TLK1: variants seen among roughly 807,000 people sequenced by gnomAD.
The protein encoded by TLK1 is serine/threonine-protein kinase tousled-like 1.
TLK1 carries 24 observed loss-of-function variants against 105.3 expected under a neutral mutation model. The ratio of observed to expected loss-of-function variants is 0.23; its 90% CI spans 0.17 to 0.32. The LOEUF is 0.32. TLK1 is among the 10% of genes least tolerant of loss of function. The pLI is 1.00. For synonymous variants in TLK1, 321 were observed against 310.4 expected, an observed-to-expected ratio of 1.03 and a Z score of -0.36; for missense variants, 558 against 910.5, an observed-to-expected ratio of 0.61 and a Z score of 4.98.
intron 1 of TLK1, among the ~76,000 whole-genome samples, chr2:171,201,842 G>A (rs1693402970): frequency 6.6e-6 from 1 of 152,128 alleles, no homozygotes; most frequent in African/African-American, 2.4e-5. Flanking sequence ...CCTCAGCTCT[G>A]TGGGTCTAGA....
At chr2:171,148,360 A>G (rs1691878272) in intron 1 of TLK1, among the ~76,000 whole-genome samples, 1 of 151,946 alleles carries the variant, frequency 6.6e-6, no homozygotes. Context: ...TATAGGGATT[A>G]GAAGTGTGGA....
intron 4 of TLK1, among the ~76,000 whole-genome samples, chr2:171,058,540 T>C (rs1039040514): frequency 9.2e-5 from 14 of 152,144 alleles, no homozygotes; most frequent in African/African-American, 3.1e-4. Context: ...CATAACATGA[T>C]TCCTGTCAAA....
chr2:171,175,315 AAAAG>A (rs1453746869), intron 1 of TLK1, among the ~76,000 whole-genome samples: 1 of 152,246 alleles, frequency 6.6e-6, no homozygotes, highest in Non-Finnish European at 1.5e-5. Context: ...TTTGAAAAAA[AAAAG>A]AAATAGTAGT....
intron 3 of TLK1, chr2:171,081,825 T>TA: frequency 1.6e-6 from 1 of 618,038 alleles, no homozygotes; most frequent in Non-Finnish European, 2.6e-6. Flanking sequence ...ATGCTTTCAA[T>TA]AACACAGAGC....
chr2:171,198,654 T>C (rs1414114111), intron 1 of TLK1, among the ~76,000 whole-genome samples: 1 of 152,106 alleles, frequency 6.6e-6, no homozygotes, highest in East Asian at 1.9e-4. Context: ...TAGACAAGCA[T>C]CCAAAGATGT....
At chr2:171,039,041 A>T (rs1421881017) in intron 11 of TLK1, among the ~76,000 whole-genome samples, 1 of 152,038 alleles carries the variant, frequency 6.6e-6, no homozygotes, top group Non-Finnish European at 1.5e-5. Flanking sequence ...CTTCCTAGTG[A>T]TTTCAACCTT....
intron 2 of TLK1, among the ~76,000 whole-genome samples, chr2:171,096,696 T>C (rs1442918143): frequency 1.3e-5 from 2 of 149,584 alleles, no homozygotes; most frequent in East Asian, 2.0e-4. Context: ...AGGCAGAGGA[T>C]GCAGTGAACC....
chr2:171,139,070 C>G (rs1478686495), intron 1 of TLK1, among the ~76,000 whole-genome samples: 1 of 152,060 alleles, frequency 6.6e-6, no homozygotes, highest in Non-Finnish European at 1.5e-5. Flanking sequence ...TTAAAAGAAG[C>G]AAAGTGACTA....
intron 11 of TLK1, among the ~76,000 whole-genome samples, chr2:171,033,236 T>C (rs1686132951): frequency 6.6e-6 from 1 of 152,012 alleles, no homozygotes; most frequent in Non-Finnish European, 1.5e-5. Context: ...AAAGGGAAGA[T>C]AACACAGGGG....
chr2:171,109,780 T>C (rs1339087977), intron 2 of TLK1, among the ~76,000 whole-genome samples: 1 of 152,214 alleles, frequency 6.6e-6, no homozygotes, highest in African/African-American at 2.4e-5. Context: ...ATCCATACAG[T>C]GGAATTCTAT....
intron 1 of TLK1, among the ~76,000 whole-genome samples, chr2:171,221,736 A>G (rs1693813798): frequency 6.6e-6 from 1 of 152,222 alleles, no homozygotes; most frequent in South Asian, 2.1e-4. Flanking sequence ...ATTTGGAGAC[A>G]GCCACCTTCT....
chr2:171,028,438 G>A, intron 11 of TLK1, 33 bp from the exon 12 acceptor site: 2 of 1,363,204 alleles, frequency 1.5e-6, no homozygotes, highest in Non-Finnish European at 2.1e-6. Flanking sequence ...TCTACATATT[G>A]AGATTAATAC....
chr2:171,105,020 T>C (rs769433952), intron 2 of TLK1, among the ~76,000 whole-genome samples: 15 of 152,168 alleles, frequency 9.9e-5, no homozygotes, highest in Non-Finnish European at 1.9e-4. Context: ...GGGTTAAAGA[T>C]TTAAATGTAA....
At chr2:171,101,346 C>CAAAAAAAAAAAAAAAAAAAAAAAAA (rs71401403) in intron 2 of TLK1, among the ~76,000 whole-genome samples, 4 of 63,496 alleles carry the variant, frequency 6.3e-5, no homozygotes, top group African/African-American at 2.9e-4. Context: ...AACTCCGTCT[C>CAAAAAAAAAAAAAAAAAAAAAAAAA]AAAAAAAAAA....
intron 11 of TLK1, among the ~76,000 whole-genome samples, chr2:171,041,745 G>T (rs1686687685): frequency 6.6e-6 from 1 of 152,126 alleles, no homozygotes; most frequent in African/African-American, 2.4e-5. Flanking sequence ...AAAGGTTGGG[G>T]ACTACTGTAC....
At chr2:171,114,435 G>GT (rs1272627111) in intron 2 of TLK1, among the ~76,000 whole-genome samples, 1 of 152,214 alleles carries the variant, frequency 6.6e-6, no homozygotes, top group East Asian at 1.9e-4. Context: ...TTTCCAGACT[G>GT]TTGTCAGAGG....
At chr2:171,159,176 C>T (rs1365090388) in intron 1 of TLK1, among the ~76,000 whole-genome samples, 1 of 152,202 alleles carries the variant, frequency 6.6e-6, no homozygotes, top group Admixed American at 6.5e-5. Flanking sequence ...TTAAAACATT[C>T]ACTAGACGGT....
intron 18 of TLK1, among the ~76,000 whole-genome samples, chr2:171,000,233 C>T (rs1684293945): frequency 6.6e-6 from 1 of 151,840 alleles, no homozygotes; most frequent in Admixed American, 6.6e-5. Flanking sequence ...AAAAAATTAG[C>T]CAGGCATGGT....
Position 171,049,966 on chromosome 2 carries a change from A to G in TLK1, c.844-16T>C, listed in dbSNP as rs761702990. 8.1e-6 allele frequency: 13 copies of G among 1,613,534 alleles called. No individual in the cohort carries two copies. In the Admixed American group the frequency reaches 2.2e-4, roughly 27 times the overall value. On this transcript the variant is annotated splice_polypyrimidine_tract_variant and intron_variant, in intron 9 of 20. Transcript: ENST00000431350. Reference sequence around the variant, plus strand: ...CTTGTGTACTCTGAAAAGGAGAAAAAAAATCATCACTCAATTGTATTCATT... The same window carrying G: ...CTTGTGTACTCTGAAAAGGAGAAAAGAAATCATCACTCAATTGTATTCATT...
Sources: allele counts gnomAD v4.1 joint callset (sites outside exome capture counted in the v4.1 genomes callset), GRCh38; gene constraint gnomAD v4.1.1; transcripts MANE v1.5; gene names NCBI Gene and HGNC (gene_info 2026-07-23, HGNC 2026-07-21).